Variants in SPC24 observed in about 807,000 individuals in gnomAD.
SPC24 encodes the protein kinetochore protein Spc24.
A neutral mutation model predicts 27.6 loss-of-function variants in SPC24; 31 were observed. The observed-to-expected ratio is 1.12, with a 90% CI of 0.84 to 1.52. The LOEUF is 1.52. SPC24 is among the 40% of genes most tolerant of loss of function. The pLI, the probability that SPC24 is intolerant of heterozygous loss-of-function variation, is 0.00. For synonymous variants in SPC24, 105 were observed against 105.8 expected, an observed-to-expected ratio of 0.99 and a Z score of 0.05; for missense variants, 284 against 252.5, an observed-to-expected ratio of 1.12 and a Z score of -0.84.
chr19:11,149,247 T>G lies in SPC24; in HGVS notation c.161-9A>C. On this transcript the variant is annotated splice_polypyrimidine_tract_variant and intron_variant, in intron 1 of 4. Transcript: ENST00000592540. The stretch of plus-strand genomic sequence containing the variant: ...CTCCATGGTGAGGATCTCTGCAGGG[T>G]GGAGAGAAGCAGGCTCCCTAGGGTC... The G allele has an allele frequency of 6.6e-7, 1 of 1,517,608 alleles. No homozygotes were observed. Among genetic ancestry groups the G allele is most frequent in the Non-Finnish European group, 8.8e-7 (1 of 1,130,864 alleles). 94.0% of individuals were successfully genotyped at this position (1,517,608 alleles called of 1,614,324 possible). A position where few individuals can be genotyped will look rare whatever the true frequency, so the allele number is the denominator to read the frequency against.
Position 11,155,649 on chromosome 19 carries a change from T to A in SPC24, c.128A>T (p.Glu43Val). ...RHEQVVERLL[E>V]TQDGAEKQLR... ...CTGCTTCTCGGCACCGTCTTGCGTTTCCAGCAGCCGCTCCACCACCTGCTC... is the reference window on the plus strand; with the variant it reads ...CTGCTTCTCGGCACCGTCTTGCGTTACCAGCAGCCGCTCCACCACCTGCTC... The change falls in exon 1 of 5, where the codon GAA becomes GTA. Residue 43 changes from glutamate (E) to valine (V), a missense_variant. Coordinates refer to ENST00000592540, the MANE Select transcript of SPC24 (RefSeq NM_182513.4). 6.4e-7 allele frequency: 1 copy of A among 1,552,850 alleles called. No individual in the cohort carries two copies. The highest frequency in any genetic ancestry group is 2.4e-5 in the East Asian group (1 of 41,548).
intron 1 of SPC24, among the ~76,000 whole-genome samples, chr19:11,151,357 C>G (rs1466348318): frequency 1.3e-5 from 2 of 150,408 alleles, no homozygotes; most frequent in East Asian, 3.9e-4. Flanking sequence ...CTGGCACTGG[C>G]CTCCACATTT....
chr19:11,149,187 T>A lies in SPC24; in HGVS notation c.212A>T (p.Glu71Val). 1 of 1,550,798 alleles carries A rather than the reference T, an allele frequency of 6.4e-7. No homozygotes were observed. The highest frequency in any genetic ancestry group is 1.2e-5 in the South Asian group (1 of 83,958). ...EVAQSLLNAK[E>V]QVHQGGVELQ... is the part of the protein sequence containing the mutation. ...CTCCACGCCTCCCTGGTGCACCTGC[T>A]CCTTCGCATTGAGAAGGCTCTGGGC... is the stretch of plus-strand genomic sequence containing the variant. The change falls in exon 2 of 5, where the codon GAG becomes GTG. Residue 71 changes from glutamate to valine, a missense_variant. Transcript: ENST00000592540.
chr19:11,148,219 CTTCT>C, intron 2 of SPC24, 102 bp from the exon 3 acceptor site: 1 of 728,204 alleles, frequency 1.4e-6, no homozygotes, highest in Non-Finnish European at 2.3e-6. Context: ...CGCACACTCT[CTTCT>C]TTGAGTCAGA....
chr19:11,155,737 G>A lies in SPC24; in HGVS notation c.40C>T (p.Leu14=). Residue 14 remains leucine, a synonymous_variant, in exon 1 of 5, where the codon CTG becomes TTG. Transcript: ENST00000592540. ...FRDIEEVSQG[L]LSLLGANRAE... ...CGGTTGGCGCCCAGCAGGCTGAGCA[G>A]CCCCTGGCTCACCTCCTCTATGTCG... The A allele has an allele frequency of 2.5e-6, 4 of 1,578,472 alleles. No individual in the cohort carries two copies. The highest frequency in any genetic ancestry group is 1.1e-5 in the South Asian group (1 of 88,230).
At chr19:11,149,302 G>A in intron 1 of SPC24, 64 bp from the exon 2 acceptor site, 2 of 1,381,992 alleles carry the variant, frequency 1.4e-6, no homozygotes. Context: ...CAGAGAGAAG[G>A]TGGTTCCACT....
In SPC24 at chr19:11,147,063, A is replaced by G; in HGVS notation, c.*120T>C. 2 of 614,576 alleles carry G rather than the reference A, an allele frequency of 3.3e-6. No individual in the cohort carries two copies. Among genetic ancestry groups the G allele is most frequent in the Admixed American group, 3.3e-5 (1 of 30,380 alleles). 38.1% of individuals were successfully genotyped at this position (614,576 alleles called of 1,614,324 possible). On this transcript the variant is annotated 3_prime_UTR_variant, in exon 5 of 5. Coordinates refer to ENST00000592540, the MANE Select transcript of SPC24 (RefSeq NM_182513.4). ...CCATTGCACTCCAGACTGGACAACAAGAGTGAAACTCTGTCTCAAAAAAAA... is the reference window on the plus strand; with the variant it reads ...CCATTGCACTCCAGACTGGACAACAGGAGTGAAACTCTGTCTCAAAAAAAA...
chr19:11,153,456 T>C (rs1482590741), intron 1 of SPC24, among the ~76,000 whole-genome samples: 1 of 124,294 alleles, frequency 8.0e-6, no homozygotes, highest in Non-Finnish European at 1.7e-5. Context: ...ATCAAAAAAA[T>C]AAAAAAAAGA....
At chr19:11,152,792 G>A (rs1600792313) in intron 1 of SPC24, among the ~76,000 whole-genome samples, 2 of 152,082 alleles carry the variant, frequency 1.3e-5, no homozygotes, top group African/African-American at 2.4e-5. Context: ...GAGGGAAGGA[G>A]GGAAGAGCCT....
intron 1 of SPC24, among the ~76,000 whole-genome samples, chr19:11,153,435 C>T (rs1041578476): frequency 1.3e-5 from 2 of 148,544 alleles, no homozygotes; most frequent in African/African-American, 5.0e-5. Flanking sequence ...GGTGACAGAG[C>T]GAGACTCCAT....
chr19:11,152,669 A>G (rs533178833), intron 1 of SPC24, among the ~76,000 whole-genome samples: 48 of 151,946 alleles, frequency 3.2e-4, no homozygotes, highest in Non-Finnish European at 5.7e-4. Context: ...CCTGATTCTC[A>G]GTTTTCTTGG....
intron 1 of SPC24, 146 bp downstream of exon 1, chr19:11,155,470 TA>T: frequency 1.0e-6 from 1 of 970,120 alleles, no homozygotes; most frequent in African/African-American, 1.7e-5. Flanking sequence ...ATGGTGAAAC[TA>T]AGGCTCAGAG....
intron 1 of SPC24, among the ~76,000 whole-genome samples, chr19:11,153,752 T>A (rs1232506564): frequency 9.9e-6 from 1 of 101,100 alleles, no homozygotes; most frequent in Non-Finnish European, 2.0e-5. Context: ...GGAGTAAGAC[T>A]GTCCTGGGAA....
At chr19:11,152,293 G>A (rs56237989) in intron 1 of SPC24, among the ~76,000 whole-genome samples, 1 of 150,250 alleles carries the variant, frequency 6.7e-6, no homozygotes, top group Non-Finnish European at 1.5e-5. Flanking sequence ...CACTGCAGCC[G>A]CCACCTCCCA....
intron 1 of SPC24, among the ~76,000 whole-genome samples, chr19:11,152,211 G>A (rs1568632969): frequency 6.6e-6 from 1 of 151,346 alleles, no homozygotes; most frequent in Non-Finnish European, 1.5e-5. Context: ...ATGAGCCACT[G>A]TGCTTGGCCT....
chr19:11,146,485 G>GAAAAAAAAAAAAAAAAAAAAAAAAAA lies in SPC24; in HGVS notation c.*697_*698insTTTTTTTTTTTTTTTTTTTTTTTTTT. On this transcript the variant is annotated 3_prime_UTR_variant, in exon 5 of 5. Transcript: ENST00000592540. ...TCCAGTAAAAAAAAAAAAAAAAAAGGCCAGGCGCGGTGACTCACACCTGTA... is the reference window on the plus strand; with the variant it reads ...TCCAGTAAAAAAAAAAAAAAAAAAGGAAAAAAAAAAAAAAAAAAAAAAAAAACCAGGCGCGGTGACTCACACCTGTA... 1 of 21,910 alleles carries GAAAAAAAAAAAAAAAAAAAAAAAAAA rather than the reference G, an allele frequency of 4.6e-5. No homozygotes were observed. Among genetic ancestry groups the GAAAAAAAAAAAAAAAAAAAAAAAAAA allele is most frequent in the African/African-American group, 9.1e-5 (1 of 10,946 alleles). 1.4% of individuals were successfully genotyped at this position (21,910 alleles called of 1,614,324 possible).
chr19:11,152,941 C>T (rs1195551170), intron 1 of SPC24, among the ~76,000 whole-genome samples: 1 of 151,900 alleles, frequency 6.6e-6, no homozygotes, highest in Non-Finnish European at 1.5e-5. Context: ...GCAATCCACG[C>T]TGCCAGGAAC....
chr19:11,151,162 CAAAAAAAA>C (rs397859905), intron 1 of SPC24, among the ~76,000 whole-genome samples: 1 of 88,802 alleles, frequency 1.1e-5, no homozygotes, highest in Non-Finnish European at 2.1e-5. Flanking sequence ...GACTCCGTCT[CAAAAAAAA>C]AAAAAAAAAA....
In SPC24 at chr19:11,148,518, T is replaced by C. The variant is rs562417149; in HGVS notation, c.306-401A>G. 4.0e-5 allele frequency among the ~76,000 whole-genome samples: 6 copies of C among 150,494 alleles called. No individual in the cohort carries two copies. In the South Asian group the frequency reaches 1.3e-3, roughly 32 times the overall value. On this transcript the variant is annotated intron_variant, in intron 2 of 4. Coordinates refer to ENST00000592540, the MANE Select transcript of SPC24 (RefSeq NM_182513.4). ...CCACCGCGCCTGGTCTTTTCTTTTT[T>C]TTTTGAGACAGGGTCTTGCTCTTTC... is the stretch of plus-strand genomic sequence containing the variant.
Sources: allele counts gnomAD v4.1 joint callset (sites outside exome capture counted in the v4.1 genomes callset), GRCh38; gene constraint gnomAD v4.1.1; transcripts MANE v1.5; gene names NCBI Gene and HGNC (gene_info 2026-07-23, HGNC 2026-07-21).